Variants in ADGRL3 observed in about 807,000 individuals in gnomAD.
ADGRL3 encodes adhesion G protein-coupled receptor L3, also known as calcium-independent alpha-latrotoxin receptor 3.
In ADGRL3, 62 loss-of-function variants were observed where a neutral mutation model predicts 153.5. The ratio of observed to expected loss-of-function variants is 0.40; its 90% CI spans 0.33 to 0.50. The LOEUF (loss-of-function observed/expected upper bound fraction) is 0.50, where lower values mean the gene tolerates loss of function less well. ADGRL3 is among the 20% of genes least tolerant of loss of function. The pLI, the probability that ADGRL3 is intolerant of heterozygous loss-of-function variation, is 0.47. For missense variants in ADGRL3, 1,641 were observed against 1,859.4 expected (o/e 0.88, Z 2.16); for synonymous variants, 710 against 672.5 (o/e 1.06, Z -0.86).
At chr4:61,571,324 TA>T (rs1261668362) in intron 4 of ADGRL3, among the ~76,000 whole-genome samples, 1 of 8,328 alleles carries the variant, frequency 1.2e-4, no homozygotes, top group Non-Finnish European at 3.0e-4. Flanking sequence ...AATAATAAAA[TA>T]AAATAAAATA....
intron 9 of ADGRL3, among the ~76,000 whole-genome samples, chr4:61,886,337 C>A (rs1348104006): frequency 6.6e-6 from 1 of 152,164 alleles, no homozygotes; most frequent in Non-Finnish European, 1.5e-5. Context: ...GTTATGGTTT[C>A]AGTTTTCTTA....
intron 17 of ADGRL3, among the ~76,000 whole-genome samples, chr4:61,974,967 A>C (rs2099042976): frequency 6.6e-6 from 1 of 152,196 alleles, no homozygotes; most frequent in South Asian, 2.1e-4. Context: ...CCATTGTAGA[A>C]GAGAGAGATG....
intron 24 of ADGRL3, among the ~76,000 whole-genome samples, chr4:62,039,302 T>G (rs188085397): frequency 4.5e-4 from 68 of 152,272 alleles, no homozygotes; most frequent in African/African-American, 1.6e-3. Flanking sequence ...TAGCTAGCAC[T>G]TGAACACAGT....
chr4:61,778,279 C>T (rs948103930), intron 8 of ADGRL3, among the ~76,000 whole-genome samples: 1 of 152,180 alleles, frequency 6.6e-6, no homozygotes, highest in African/African-American at 2.4e-5. Flanking sequence ...AATCTGAAAT[C>T]CAAAATGCTT....
chr4:61,244,984 A>C (rs148455194), intron 1 of ADGRL3, among the ~76,000 whole-genome samples: 1 of 152,046 alleles, frequency 6.6e-6, no homozygotes, highest in Non-Finnish European at 1.5e-5. Flanking sequence ...CACTATCCAC[A>C]CAATCTCCTT....
chr4:61,577,135 C>T (rs1408933478), intron 4 of ADGRL3, among the ~76,000 whole-genome samples: 2 of 147,990 alleles, frequency 1.4e-5, no homozygotes, highest in South Asian at 2.1e-4. Flanking sequence ...GCTCTTTGTC[C>T]TTTCCAGTGA....
At chr4:61,799,332 A>G (rs1445706956) in intron 8 of ADGRL3, among the ~76,000 whole-genome samples, 2 of 152,032 alleles carry the variant, frequency 1.3e-5, no homozygotes, top group African/African-American at 4.8e-5. Flanking sequence ...GATAGTCAAT[A>G]TTTTAGGTTT....
chr4:61,676,382 C>A (rs1156622246), intron 5 of ADGRL3, among the ~76,000 whole-genome samples: 1 of 151,868 alleles, frequency 6.6e-6, no homozygotes, highest in Non-Finnish European at 1.5e-5. Flanking sequence ...ACTTTTCATA[C>A]CTTTAAAATG....
chr4:61,441,027 C>CT (rs1386152825), intron 2 of ADGRL3, among the ~76,000 whole-genome samples: 2 of 152,102 alleles, frequency 1.3e-5, no homozygotes, highest in Non-Finnish European at 2.9e-5. Context: ...TCCAAAATTC[C>CT]TTTTTTCCTG....
rs762348569 is a variant in ADGRL3, at chr4:62,070,252, G to A, written c.3976G>A (p.Glu1326Lys). 3.7e-6 allele frequency: 6 copies of A among 1,611,006 alleles called. No homozygotes were observed. The highest frequency in any genetic ancestry group is 2.2e-5 in the East Asian group (1 of 44,696). Reference protein sequence around the residue: ...QIIDRGYNHNETALEKKILKE... With the variant: ...QIIDRGYNHNKTALEKKILKE... ...CATAGACCGTGGCTATAACCATAACGAGACCGCCCTAGAGAAAAAGATTCT... is the reference window on the plus strand; with the variant it reads ...CATAGACCGTGGCTATAACCATAACAAGACCGCCCTAGAGAAAAAGATTCT... The change falls in exon 27 of 27, where the codon GAG becomes AAG. Residue 1326 changes from glutamate (E) to lysine (K), a missense_variant. Around this residue, in one of 5 missense-constraint regions of ADGRL3, gnomAD observed 517 missense variants for 555.0 expected, o/e 0.93. Transcript: ENST00000683033.
intron 1 of ADGRL3, among the ~76,000 whole-genome samples, chr4:61,358,596 C>CAAAAAAAAAA (rs71211377): frequency 5.2e-5 from 5 of 96,838 alleles, no homozygotes; most frequent in Non-Finnish European, 9.9e-5. Flanking sequence ...GACTCCGTCT[C>CAAAAAAAAAA]AAAAAAAAAA....
intron 1 of ADGRL3, among the ~76,000 whole-genome samples, chr4:61,245,191 T>A (rs578220928): frequency 6.6e-6 from 1 of 152,116 alleles, no homozygotes; most frequent in African/African-American, 2.4e-5. Flanking sequence ...TGAAGAAAAA[T>A]CAGACAGACT....
intron 18 of ADGRL3, among the ~76,000 whole-genome samples, chr4:61,982,254 A>G (rs1050904255): frequency 2.0e-5 from 3 of 152,222 alleles, no homozygotes; most frequent in Admixed American, 6.5e-5. Flanking sequence ...AATATAAAGA[A>G]CAATGATTGA....
At chr4:61,631,602 C>A (rs987749) in intron 5 of ADGRL3, among the ~76,000 whole-genome samples, 141,789 of 152,116 alleles carry the variant, frequency 0.93, 66,387 homozygotes, top group Middle Eastern at 0.99. Flanking sequence ...TATACATTAC[C>A]GTTAAAATAA....
Position 61,867,349 on chromosome 4 carries a change from A to C in ADGRL3, c.1481-25307A>C, listed in dbSNP as rs572539867. Among the ~76,000 whole-genome samples the C allele has an allele frequency of 7.7e-4, 116 of 151,100 alleles. 1 individual carries two copies. Among genetic ancestry groups the C allele is most frequent in the African/African-American group, 2.8e-3 (114 of 41,232 alleles). ...CCCTGTCTCTACAAAAAATGCAAAA[A>C]TTAGCCAGGAGTGGTGGGCTCATGC... is the stretch of plus-strand genomic sequence containing the variant. On this transcript the variant is annotated intron_variant, in intron 9 of 26. Transcript: ENST00000683033.
chr4:61,916,344 T>C (rs1221858610), intron 13 of ADGRL3, among the ~76,000 whole-genome samples: 1 of 152,184 alleles, frequency 6.6e-6, no homozygotes, highest in African/African-American at 2.4e-5. Flanking sequence ...AACATATTAC[T>C]TCCATATCTT....
chr4:61,848,762 A>G (rs781116939), intron 9 of ADGRL3, among the ~76,000 whole-genome samples: 17 of 152,168 alleles, frequency 1.1e-4, no homozygotes, highest in Non-Finnish European at 2.4e-4. Context: ...GATAAATTAA[A>G]TGATCAAACT....
At chr4:61,682,563 A>ATTTTTT (rs10685495) in intron 6 of ADGRL3, among the ~76,000 whole-genome samples, 8 of 136,222 alleles carry the variant, frequency 5.9e-5, no homozygotes, top group Admixed American at 7.8e-5. Flanking sequence ...CTTTAAAAAA[A>ATTTTTT]TTTTTTTTTT....
chr4:61,398,883 CT>C (rs1435371437), intron 2 of ADGRL3, among the ~76,000 whole-genome samples: 1 of 151,454 alleles, frequency 6.6e-6, no homozygotes, highest in Non-Finnish European at 1.5e-5. Context: ...TTTATGTGTA[CT>C]TTTTCTCCTT....
Sources: allele counts gnomAD v4.1 joint callset (sites outside exome capture counted in the v4.1 genomes callset), GRCh38; gene constraint gnomAD v4.1.1; regional missense constraint gnomAD v4.1.1; transcripts MANE v1.5; gene names NCBI Gene and HGNC (gene_info 2026-07-23, HGNC 2026-07-21).